LDLRAD3: variants seen among roughly 807,000 people sequenced by gnomAD.
LDLRAD3 encodes low density lipoprotein receptor class A domain containing 3, also known as low-density lipoprotein receptor class A domain-containing protein 3.
In LDLRAD3, 20 loss-of-function variants were observed where a neutral mutation model predicts 29.4. That is an observed-to-expected ratio of 0.68 (90% confidence interval 0.48 to 0.99). The LOEUF (loss-of-function observed/expected upper bound fraction) is 0.99, where lower values mean the gene tolerates loss of function less well. Among genes scored for constraint, LDLRAD3 ranks in the 50% least tolerant of loss-of-function variants. LDLRAD3 has a pLI of 0.00. For synonymous variants in LDLRAD3, 157 were observed against 192.7 expected, an observed-to-expected ratio of 0.81 and a Z score of 1.53; for missense variants, 420 against 454.3, an observed-to-expected ratio of 0.92 and a Z score of 0.69.
chr11:36,079,813 T>A (rs1009829339), intron 2 of LDLRAD3, among the ~76,000 whole-genome samples: 1 of 152,204 alleles, frequency 6.6e-6, no homozygotes, highest in African/African-American at 2.4e-5. Flanking sequence ...ACAATTGTTC[T>A]CCCCGACTTG....
chr11:35,998,669 C>T (rs895747276), intron 1 of LDLRAD3, among the ~76,000 whole-genome samples: 2 of 152,188 alleles, frequency 1.3e-5, no homozygotes, highest in African/African-American at 4.8e-5. Context: ...ATGAAGGTTG[C>T]AGATCTCTAA....
chr11:36,190,588 A>G (rs947254699), intron 4 of LDLRAD3, among the ~76,000 whole-genome samples: 2 of 152,212 alleles, frequency 1.3e-5, no homozygotes, highest in Non-Finnish European at 2.9e-5. Flanking sequence ...TGAAAATAAG[A>G]AAAACTGAAG....
chr11:36,113,364 C>T (rs7117426), intron 4 of LDLRAD3, among the ~76,000 whole-genome samples: 10,508 of 151,958 alleles, frequency 0.069, 723 homozygotes, highest in East Asian at 0.32. Flanking sequence ...TCAGGAATTC[C>T]AAGACCACTA....
intron 1 of LDLRAD3, among the ~76,000 whole-genome samples, chr11:35,979,309 T>C (rs1393886924): frequency 1.3e-5 from 2 of 151,956 alleles, no homozygotes; most frequent in Non-Finnish European, 2.9e-5. Context: ...TTTCTGAGAG[T>C]TGTGTGCAAA....
chr11:35,961,694 C>T (rs1851279906), intron 1 of LDLRAD3, among the ~76,000 whole-genome samples: 1 of 152,042 alleles, frequency 6.6e-6, no homozygotes. Flanking sequence ...GTACAGCAGG[C>T]TATGTAAAGC....
chr11:35,999,711 G>A (rs17568443), intron 1 of LDLRAD3, among the ~76,000 whole-genome samples: 12 of 152,102 alleles, frequency 7.9e-5, no homozygotes, highest in Admixed American at 5.9e-4. Context: ...CTTTTCTGGA[G>A]CTCCACGTGT....
At chr11:36,168,989 A>G (rs1854556947) in intron 4 of LDLRAD3, among the ~76,000 whole-genome samples, 1 of 152,288 alleles carries the variant, frequency 6.6e-6, no homozygotes, top group Non-Finnish European at 1.5e-5. Flanking sequence ...GCAGAATGAC[A>G]TATGAGGAAT....
At chr11:35,981,995 T>G (rs1851548495) in intron 1 of LDLRAD3, among the ~76,000 whole-genome samples, 1 of 152,176 alleles carries the variant, frequency 6.6e-6, no homozygotes. Flanking sequence ...CCTCGGCTGT[T>G]CTGGGTTGCA....
At chr11:36,094,979 AT>A (rs1216767990) in intron 3 of LDLRAD3, among the ~76,000 whole-genome samples, 2 of 152,180 alleles carry the variant, frequency 1.3e-5, no homozygotes, top group Non-Finnish European at 2.9e-5. Flanking sequence ...TGAGGCCAGG[AT>A]TTGAGACCAC....
intron 1 of LDLRAD3, among the ~76,000 whole-genome samples, chr11:36,023,098 AC>A (rs1278094539): frequency 6.6e-6 from 1 of 152,170 alleles, no homozygotes; most frequent in African/African-American, 2.4e-5. Flanking sequence ...GGATTAAGCT[AC>A]TTAAGAAAAT....
At chr11:36,156,739 A>T in intron 4 of LDLRAD3, among the ~76,000 whole-genome samples, 1 of 150,902 alleles carries the variant, frequency 6.6e-6, no homozygotes, top group East Asian at 2.1e-4. Flanking sequence ...AAGAAGGAAG[A>T]TCAGCATTCA....
At chr11:36,159,777 G>A (rs1021108922) in intron 4 of LDLRAD3, among the ~76,000 whole-genome samples, 10 of 151,640 alleles carry the variant, frequency 6.6e-5, no homozygotes, top group African/African-American at 2.4e-4. Flanking sequence ...CAAAAAAAAA[G>A]GAGAACTCAG....
intron 1 of LDLRAD3, among the ~76,000 whole-genome samples, chr11:35,986,026 C>T (rs749916075): frequency 8.6e-5 from 13 of 151,998 alleles, no homozygotes; most frequent in Non-Finnish European, 1.9e-4. Flanking sequence ...GAGTATTTGA[C>T]GAGAGACTTA....
intron 1 of LDLRAD3, among the ~76,000 whole-genome samples, chr11:35,957,477 C>T (rs978827222): frequency 2.6e-5 from 4 of 152,084 alleles, no homozygotes; most frequent in African/African-American, 9.7e-5. Flanking sequence ...CAGTTGGAAT[C>T]GTGTAGGATG....
chr11:36,116,911 G>T (rs1369555342), intron 4 of LDLRAD3, among the ~76,000 whole-genome samples: 1 of 148,870 alleles, frequency 6.7e-6, no homozygotes, highest in Non-Finnish European at 1.5e-5. Flanking sequence ...GCGCAATCTT[G>T]GGTCACTGCA....
intron 4 of LDLRAD3, among the ~76,000 whole-genome samples, chr11:36,204,526 G>A (rs1346308447): frequency 7.0e-6 from 1 of 142,166 alleles, no homozygotes; most frequent in Non-Finnish European, 1.5e-5. Context: ...ATGAAGTCTT[G>A]CTCTTGTCAT....
At chr11:36,063,199 G>T (rs1852733356) in intron 2 of LDLRAD3, among the ~76,000 whole-genome samples, 1 of 152,086 alleles carries the variant, frequency 6.6e-6, no homozygotes, top group South Asian at 2.1e-4. Context: ...AACTTTGCCT[G>T]GGGAGGAATT....
At chr11:35,946,490 G>C (rs1224387917) in intron 1 of LDLRAD3, among the ~76,000 whole-genome samples, 1 of 152,150 alleles carries the variant, frequency 6.6e-6, no homozygotes, top group Non-Finnish European at 1.5e-5. Flanking sequence ...ATTTGTGTTA[G>C]GGAAGTGAAG....
rs528373174 is a variant in LDLRAD3, at chr11:36,147,206, C to A, written c.454+48745C>A. 3.6e-5 allele frequency among the ~76,000 whole-genome samples: 5 copies of A among 138,212 alleles called. No homozygotes were observed. In the South Asian group the frequency reaches 1.2e-3, roughly 34 times the overall value. The allele number at this position is 138,212 out of a possible 152,430, so 90.7% of individuals were successfully genotyped here. A position where few individuals can be genotyped will look rare whatever the true frequency, so the allele number is the denominator to read the frequency against. On this transcript the variant is annotated intron_variant, in intron 4 of 5. Coordinates refer to ENST00000315571, the MANE Select transcript of LDLRAD3 (RefSeq NM_174902.4). ...GATCTCGGCTCACTGCAAGCTCCGC[C>A]TCCCTGGTTCATGCCATTCTCCTGC...
Sources: allele counts gnomAD v4.1 joint callset (sites outside exome capture counted in the v4.1 genomes callset), GRCh38; gene constraint gnomAD v4.1.1; transcripts MANE v1.5; gene names NCBI Gene and HGNC (gene_info 2026-07-23, HGNC 2026-07-21).